The following MICU3 variants were observed in gnomAD, a reference collection of about 807,000 sequenced individuals.
The protein encoded by MICU3 is mitochondrial calcium uptake 3.
Under a neutral mutation model 66.5 loss-of-function variants are expected in MICU3, and 62 were observed. That is an observed-to-expected ratio of 0.93 (90% CI 0.76 to 1.15). MICU3 has a LOEUF of 1.15. Ranked by LOEUF, MICU3 falls within the 50% of genes most tolerant of loss-of-function variation. The probability of loss-of-function intolerance (pLI) is 0.00; values close to 1 mark genes in which losing one functional copy is unlikely to be tolerated. For missense variants in MICU3, 779 were observed against 664.4 expected, an observed-to-expected ratio of 1.17 and a Z score of -1.90; for synonymous variants, 308 against 240.7, an observed-to-expected ratio of 1.28 and a Z score of -2.59.
intron 11 of MICU3, among the ~76,000 whole-genome samples, chr8:17,111,124 T>A (rs1563393458): frequency 6.6e-6 from 1 of 152,178 alleles, no homozygotes; most frequent in Admixed American, 6.6e-5. Flanking sequence ...TCTTTTTATA[T>A]GCTTATTGGC....
At chr8:17,125,923 G>A (rs763970184), downstream of MICU3, among the ~76,000 whole-genome samples, 13 of 151,646 alleles carry the variant, frequency 8.6e-5, no homozygotes, top group Non-Finnish European at 1.8e-4. Context: ...CCAGCTACTC[G>A]GGAGGCTGAG....
chr8:17,032,839 C>G (rs1211966061), intron 1 of MICU3, among the ~76,000 whole-genome samples: 12 of 152,154 alleles, frequency 7.9e-5, no homozygotes, highest in Non-Finnish European at 1.5e-4. Flanking sequence ...CTTAATGTTT[C>G]TGTGTCATGT....
chr8:17,064,711 C>CT (rs1818415889), intron 2 of MICU3, among the ~76,000 whole-genome samples: 1 of 152,094 alleles, frequency 6.6e-6, no homozygotes, highest in Admixed American at 6.6e-5. Context: ...TTGCAAATCT[C>CT]TTAATATCTA....
intron 2 of MICU3, among the ~76,000 whole-genome samples, 163 bp downstream of exon 2, chr8:17,064,400 T>G (rs1460241247): frequency 6.6e-6 from 1 of 152,172 alleles, no homozygotes; most frequent in Non-Finnish European, 1.5e-5. Flanking sequence ...TACAAACTCT[T>G]ACTCACATCT....
intron 4 of MICU3, among the ~76,000 whole-genome samples, chr8:17,080,807 C>G (rs1336577809): frequency 2.0e-5 from 3 of 152,096 alleles, no homozygotes; most frequent in African/African-American, 7.2e-5. Context: ...AAGACAGCCT[C>G]AAAGAACATC....
rs113075112 is a variant in MICU3, at chr8:17,107,217, G to C, written c.1257+1633G>C. 6.0e-3 allele frequency among the ~76,000 whole-genome samples: 909 copies of C among 152,236 alleles called. 9 individuals are homozygous for C. Among genetic ancestry groups the C allele is most frequent in the African/African-American group, 0.021 (863 of 41,538 alleles). On this transcript the variant is annotated intron_variant, in intron 11 of 14. Transcript: ENST00000318063. ...TGATAAATGTTATGAAAGGGAGCAA[G>C]AGTCATGGGGACTGGAAAAGAAGGT...
chr8:17,037,713 A>C (rs1397421471), intron 1 of MICU3, among the ~76,000 whole-genome samples: 6 of 152,168 alleles, frequency 3.9e-5, no homozygotes, highest in Admixed American at 3.9e-4. Flanking sequence ...AATAGCTTGC[A>C]CCATGCACCT....
intron 1 of MICU3, among the ~76,000 whole-genome samples, chr8:17,060,633 C>T (rs1177964579): frequency 6.6e-6 from 1 of 152,036 alleles, no homozygotes; most frequent in Non-Finnish European, 1.5e-5. Context: ...TTAACCAGTC[C>T]ATTTTTCATC....
intron 2 of MICU3, among the ~76,000 whole-genome samples, chr8:17,066,493 ATTCT>A (rs2150648319): frequency 7.1e-6 from 1 of 141,554 alleles, no homozygotes; most frequent in Admixed American, 7.2e-5. Context: ...TTTGAAAGCT[ATTCT>A]TTAAGTGATT....
the MICU3 span, chr8:17,134,145 G>C: frequency 2.0e-5 from 3 of 152,284 alleles, no homozygotes; most frequent in African/African-American, 4.8e-5. Flanking sequence ...GTTCTCCAGA[G>C]AAACAGAACC....
chr8:17,105,345 T>A, intron 10 of MICU3, 68 bp from the exon 11 acceptor site: 1 of 891,938 alleles, frequency 1.1e-6, no homozygotes, highest in Non-Finnish European at 1.7e-6. Context: ...ACAGTGAGTA[T>A]TTGCTCATCT....
In MICU3 at chr8:17,116,542, AATT is replaced by A; in HGVS notation, c.1468_1470del (p.Leu490del). The A allele has an allele frequency of 6.4e-7, 1 of 1,566,830 alleles. No individual in the cohort carries two copies. ...ATTTTTGATGTTGACAAAGATGATC[AATT>A]AAGTTATAAAGAATTTATTGGAATT... On this transcript the variant is annotated inframe_deletion, in exon 13 of 15. Coordinates refer to ENST00000318063, the MANE Select transcript of MICU3 (RefSeq NM_181723.3).
rs554387006 is a variant in MICU3 at position 17,087,068 on chromosome 8, T to G, written c.849+33T>G. 245 of 1,327,616 alleles carry G rather than the reference T, an allele frequency of 1.8e-4. 1 individual carries two copies. The South Asian group carries it at 2.9e-3, about 15-fold the overall frequency. The allele number at this position is 1,327,616 out of a possible 1,614,324, so 82.2% of individuals were successfully genotyped here. On this transcript the variant is annotated intron_variant, in intron 7 of 14. Coordinates refer to ENST00000318063, the MANE Select transcript of MICU3 (RefSeq NM_181723.3). The stretch of plus-strand genomic sequence containing the variant: ...TACTTTATAGTAGCTTTAGGTGGCT[T>G]TTGTAGGCAACAATTATTTTATTCA...
At chr8:17,036,121 C>A (rs544039863) in intron 1 of MICU3, among the ~76,000 whole-genome samples, 1 of 152,042 alleles carries the variant, frequency 6.6e-6, no homozygotes, top group African/African-American at 2.4e-5. Context: ...CAGATGTGTT[C>A]GGAGTTTCTT....
rs537038939 is a variant in MICU3, at chr8:17,067,528, C to CA, written c.536-2158dup. On this transcript the variant is annotated intron_variant, in intron 2 of 14. Coordinates refer to ENST00000318063, the MANE Select transcript of MICU3 (RefSeq NM_181723.3). Reference sequence around the variant, plus strand: ...CACTGCAACCTCCGCTTCCTGGGTTCAAGTGATTCTCCTGCCTCAGCCTCC... The same window carrying CA: ...CACTGCAACCTCCGCTTCCTGGGTTCAAAGTGATTCTCCTGCCTCAGCCTCC... Among the ~76,000 whole-genome samples, 327 of 152,006 alleles carry CA rather than the reference C, an allele frequency of 2.2e-3. 2 individuals are homozygous for CA. Among genetic ancestry groups the CA allele is most frequent in the African/African-American group, 7.2e-3 (300 of 41,464 alleles).
chr8:17,078,369 G>C (rs1051125209), intron 4 of MICU3, among the ~76,000 whole-genome samples: 1 of 151,904 alleles, frequency 6.6e-6, no homozygotes, highest in African/African-American at 2.4e-5. Context: ...AAATATACCT[G>C]TTTCAACTTA....
intron 3 of MICU3, among the ~76,000 whole-genome samples, chr8:17,076,241 C>T (rs1244973320): frequency 6.6e-6 from 1 of 151,956 alleles, no homozygotes; most frequent in Non-Finnish European, 1.5e-5. Context: ...TGCCATGTTG[C>T]CCAGGCTGGT....
chr8:17,108,829 C>G (rs1475904329), intron 11 of MICU3, among the ~76,000 whole-genome samples: 2 of 152,164 alleles, frequency 1.3e-5, no homozygotes, highest in Non-Finnish European at 2.9e-5. Flanking sequence ...AAGCCAGAAT[C>G]CTTACAGTGG....
chr8:17,030,493 T>TGA (rs1397505727), intron 1 of MICU3, among the ~76,000 whole-genome samples: 1 of 151,552 alleles, frequency 6.6e-6, no homozygotes, highest in African/African-American at 2.4e-5. Flanking sequence ...AGCAGGCACA[T>TGA]GTGCACATAT....
Sources: gnomAD v4.1 joint callset for allele counts (sites outside exome capture counted in the v4.1 genomes callset) on GRCh38, gnomAD v4.1.1 for gene constraint, MANE v1.5 for transcripts, NCBI Gene and HGNC (gene_info 2026-07-23, HGNC 2026-07-21) for gene names.